Variants in AGBL4 observed in about 807,000 individuals in gnomAD.
AGBL4 encodes AGBL carboxypeptidase 4.
In AGBL4, 58 loss-of-function variants were observed where a neutral mutation model predicts 66.4. The ratio of observed to expected loss-of-function variants is 0.87; its 90% CI spans 0.71 to 1.09. The LOEUF (loss-of-function observed/expected upper bound fraction) is 1.09, where lower values mean the gene tolerates loss of function less well. AGBL4 is among the 50% of genes least tolerant of loss of function. The pLI is 0.00. For synonymous variants in AGBL4, 234 were observed against 222.9 expected, an observed-to-expected ratio of 1.05 and a Z score of -0.44; for missense variants, 579 against 631.0, an observed-to-expected ratio of 0.92 and a Z score of 0.88.
chr1:49,606,211 C>T (rs1645060658), intron 3 of AGBL4, among the ~76,000 whole-genome samples: 1 of 152,198 alleles, frequency 6.6e-6, no homozygotes, highest in South Asian at 2.1e-4. Flanking sequence ...AGAAATCTAA[C>T]TCCAAAATCA....
At chr1:49,859,670 A>C (rs753978680) in intron 1 of AGBL4, among the ~76,000 whole-genome samples, 1 of 152,120 alleles carries the variant, frequency 6.6e-6, no homozygotes, top group African/African-American at 2.4e-5. Context: ...TTTAATTGTG[A>C]AAGACTAAAA....
intron 3 of AGBL4, among the ~76,000 whole-genome samples, chr1:49,353,037 G>C (rs1255706192): frequency 6.6e-6 from 1 of 152,096 alleles, no homozygotes; most frequent in African/African-American, 2.4e-5. Flanking sequence ...ACTAGTTTAA[G>C]TATTATCCCT....
rs376113384 is a variant in AGBL4, at chr1:48,684,743, C to G, written c.635-21502G>C. ...TTTTTTTTCTTTATAGAATGCCAAT[C>G]AGAAAACAAACTTTGAGATCCTTAT... On this transcript the variant is annotated intron_variant, in intron 6 of 13. Transcript: ENST00000371839. 8.0e-4 allele frequency among the ~76,000 whole-genome samples: 122 copies of G among 151,996 alleles called. 1 individual carries two copies. The highest frequency in any genetic ancestry group is 2.8e-3 in the African/African-American group (117 of 41,474).
At chr1:48,971,596 G>A (rs577597610) in intron 5 of AGBL4, among the ~76,000 whole-genome samples, 4 of 152,220 alleles carry the variant, frequency 2.6e-5, no homozygotes, top group African/African-American at 9.6e-5. Context: ...AGTATTTATA[G>A]AAAGTTCAAG....
chr1:49,131,802 G>A (rs961401938), intron 4 of AGBL4, among the ~76,000 whole-genome samples: 2 of 152,122 alleles, frequency 1.3e-5, no homozygotes, highest in Non-Finnish European at 2.9e-5. Context: ...ACAACTAGGT[G>A]AGTGTTGATG....
At chr1:48,697,912 A>C (rs1646738673) in intron 6 of AGBL4, among the ~76,000 whole-genome samples, 1 of 152,226 alleles carries the variant, frequency 6.6e-6, no homozygotes, top group Non-Finnish European at 1.5e-5. Flanking sequence ...CGTTATATGC[A>C]GCTTCTGAGC....
At chr1:49,398,367 C>T (rs1031350223) in intron 3 of AGBL4, among the ~76,000 whole-genome samples, 2 of 140,294 alleles carry the variant, frequency 1.4e-5, no homozygotes, top group African/African-American at 2.7e-5. Context: ...CTCTCTCTCT[C>T]GCTCCTGATT....
At chr1:49,658,122 A>T (rs1646186036) in intron 3 of AGBL4, among the ~76,000 whole-genome samples, 1 of 152,182 alleles carries the variant, frequency 6.6e-6, no homozygotes, top group African/African-American at 2.4e-5. Flanking sequence ...ACAAACGGCT[A>T]ATCTCCAGAA....
At chr1:49,865,859 T>C (rs1329366587) in intron 1 of AGBL4, 6 of 314,042 alleles carry the variant, frequency 1.9e-5, no homozygotes, top group East Asian at 8.2e-5. Context: ...CTAAGAACCA[T>C]GACAAAACAT....
chr1:49,861,371 T>G (rs1194081423), intron 1 of AGBL4, among the ~76,000 whole-genome samples: 1 of 151,938 alleles, frequency 6.6e-6, no homozygotes, highest in East Asian at 1.9e-4. Context: ...AAGAAACACT[T>G]CCTTCTGCTT....
At chr1:48,897,958 T>C (rs2148864920) in intron 5 of AGBL4, among the ~76,000 whole-genome samples, 1 of 152,054 alleles carries the variant, frequency 6.6e-6, no homozygotes, top group East Asian at 1.9e-4. Flanking sequence ...TACAGGCACA[T>C]GCCACCATAC....
At chr1:49,728,175 G>A (rs1277172628) in intron 2 of AGBL4, among the ~76,000 whole-genome samples, 1 of 152,068 alleles carries the variant, frequency 6.6e-6, no homozygotes, top group Admixed American at 6.6e-5. Flanking sequence ...TGCTTCCCAC[G>A]TTGTTAAAAA....
At chr1:49,431,107 G>C (rs977341113) in intron 3 of AGBL4, among the ~76,000 whole-genome samples, 1 of 152,048 alleles carries the variant, frequency 6.6e-6, no homozygotes, top group Admixed American at 6.6e-5. Context: ...CATGTGTTTT[G>C]GTAAACATTA....
At chr1:49,529,933 T>A (rs1650961243) in intron 3 of AGBL4, among the ~76,000 whole-genome samples, 2 of 151,482 alleles carry the variant, frequency 1.3e-5, no homozygotes, top group Non-Finnish European at 2.9e-5. Flanking sequence ...TCTGAGATAT[T>A]TAAGAGGTGA....
intron 3 of AGBL4, among the ~76,000 whole-genome samples, chr1:49,598,081 CCTTGT>C (rs1210275590): frequency 1.3e-5 from 2 of 152,196 alleles, no homozygotes; most frequent in African/African-American, 4.8e-5. Flanking sequence ...GAGAGGGCAT[CCTTGT>C]CTTGTGCTGG....
intron 5 of AGBL4, among the ~76,000 whole-genome samples, chr1:48,936,794 T>C (rs1314432967): frequency 6.6e-6 from 1 of 152,210 alleles, no homozygotes; most frequent in African/African-American, 2.4e-5. Flanking sequence ...TGCACAAAAT[T>C]ACCCTATTTT....
chr1:49,365,835 C>T (rs1644231594), intron 3 of AGBL4, among the ~76,000 whole-genome samples: 1 of 152,048 alleles, frequency 6.6e-6, no homozygotes, highest in Non-Finnish European at 1.5e-5. Flanking sequence ...GAGTTGAATC[C>T]TAGCTCTGTT....
At chr1:49,166,582 A>G (rs1162855681) in intron 4 of AGBL4, among the ~76,000 whole-genome samples, 1 of 152,138 alleles carries the variant, frequency 6.6e-6, no homozygotes, top group Non-Finnish European at 1.5e-5. Context: ...TGAGTTGAAT[A>G]AAGTATACAT....
At chr1:49,065,838 C>G (rs561296682) in intron 4 of AGBL4, among the ~76,000 whole-genome samples, 8 of 152,318 alleles carry the variant, frequency 5.3e-5, no homozygotes, top group African/African-American at 1.9e-4. Flanking sequence ...GCATTCACAA[C>G]CAGCCCATTC....
Sources: allele counts gnomAD v4.1 joint callset (sites outside exome capture counted in the v4.1 genomes callset), GRCh38; gene constraint gnomAD v4.1.1; transcripts MANE v1.5; gene names NCBI Gene and HGNC (gene_info 2026-07-23, HGNC 2026-07-21).